Variants in BBS5 observed in about 807,000 individuals in gnomAD.
BBS5 encodes the protein Bardet-Biedl syndrome 5, also known as BBSome complex member BBS5.
In BBS5, 39 loss-of-function variants were observed where a neutral mutation model predicts 50.2. The observed-to-expected ratio is 0.78, with a 90% CI of 0.60 to 1.01. The LOEUF (loss-of-function observed/expected upper bound fraction) is 1.01. Among genes scored for constraint, BBS5 ranks in the 50% least tolerant of loss-of-function variants. The pLI is 0.00. For synonymous variants in BBS5, 134 were observed against 133.1 expected (o/e 1.01, Z -0.05); for missense variants, 356 against 401.5 (o/e 0.89, Z 0.97).
chr2:169,484,512 C>A (rs966045037), intron 2 of BBS5, among the ~76,000 whole-genome samples: 2 of 152,200 alleles, frequency 1.3e-5, no homozygotes, highest in African/African-American at 4.8e-5. Flanking sequence ...ATCCTGCCTT[C>A]TAGCCATCTC....
chr2:169,504,020 C>T (rs1464792150), intron 10 of BBS5, among the ~76,000 whole-genome samples: 1 of 152,124 alleles, frequency 6.6e-6, no homozygotes, highest in Non-Finnish European at 1.5e-5. Context: ...TTTCTTGCCA[C>T]ATGATGATTA....
At chr2:169,494,066 G>T (rs2105298380) in intron 7 of BBS5, among the ~76,000 whole-genome samples, 1 of 152,274 alleles carries the variant, frequency 6.6e-6, no homozygotes, top group Non-Finnish European at 1.5e-5. Context: ...CTTGCTATTA[G>T]AAGAGAAATA....
intron 5 of BBS5, among the ~76,000 whole-genome samples, chr2:169,491,026 C>A (rs1168537795): frequency 1.3e-5 from 2 of 152,100 alleles, no homozygotes; most frequent in Non-Finnish European, 2.9e-5. Flanking sequence ...AAAGAATATT[C>A]CATTGTATGG....
In BBS5 at chr2:169,499,840, C is replaced by A. The variant is rs184707102; in HGVS notation, c.816+220C>A. ...CATCATTCATTCCTGCCCCGCATAC[C>A]TGCCCTTGTAGGTGGGCAGCCACCT... On this transcript the variant is annotated intron_variant, in intron 9 of 11. Transcript: ENST00000295240. Among the ~76,000 whole-genome samples the A allele has an allele frequency of 4.8e-3, 725 of 152,354 alleles. 3 individuals are homozygous for A. The highest frequency in any genetic ancestry group is 0.019 in the South Asian group (94 of 4,824).
chr2:169,490,982 C>T (rs536713282), intron 5 of BBS5, among the ~76,000 whole-genome samples: 19 of 152,200 alleles, frequency 1.2e-4, no homozygotes, highest in African/African-American at 3.4e-4. Flanking sequence ...TAGCATGTAT[C>T]AGTAGTAGTA....
chr2:169,497,581 C>A, intron 7 of BBS5, 46 bp from the exon 8 acceptor site: 1 of 1,101,714 alleles, frequency 9.1e-7, no homozygotes, highest in South Asian at 1.3e-5. Context: ...AGTCACTATT[C>A]AGTTAATAAA....
intron 5 of BBS5, among the ~76,000 whole-genome samples, chr2:169,492,206 T>C (rs1683612721): frequency 6.6e-6 from 1 of 151,552 alleles, no homozygotes; most frequent in Admixed American, 6.6e-5. Flanking sequence ...TATTAAAAAA[T>C]AGGGGCTGGG....
intron 6 of BBS5, 136 bp downstream of exon 6, chr2:169,493,145 A>G (rs956948903): frequency 2.0e-6 from 2 of 1,017,042 alleles, no homozygotes; most frequent in East Asian, 2.4e-5. Flanking sequence ...TTCAATAAGT[A>G]CAAGTTAGGT....
chr2:169,485,662 C>A (rs1259438852), intron 2 of BBS5, among the ~76,000 whole-genome samples: 1 of 152,172 alleles, frequency 6.6e-6, no homozygotes, highest in East Asian at 1.9e-4. Context: ...TGCTGTCTTC[C>A]ATTTGTTCAT....
In BBS5 at chr2:169,499,518, T is replaced by A; in HGVS notation, c.714T>A (p.Asp238Glu). Residue 238 changes from aspartate to glutamate, a missense_variant, in exon 9 of 12, where the codon GAT becomes GAA. Transcript: ENST00000295240. ...GATATGTTCTTGGCTTTAAAATAGA[T>A]CCTGTGGAAAAACTACAAGAATCAG... ...SGGYVLGFKIDPVEKLQESVK... is the reference protein window; with the variant it reads ...SGGYVLGFKIEPVEKLQESVK... The A allele has an allele frequency of 1.9e-6, 3 of 1,613,598 alleles. No homozygotes were observed. Among genetic ancestry groups the A allele is most frequent in the Non-Finnish European group, 2.5e-6 (3 of 1,179,626 alleles).
chr2:169,488,863 G>A (rs1683534242), intron 5 of BBS5, among the ~76,000 whole-genome samples: 1 of 152,154 alleles, frequency 6.6e-6, no homozygotes, highest in Non-Finnish European at 1.5e-5. Flanking sequence ...ATTCAATATA[G>A]CTAAACAAGT....
At chr2:169,490,888 T>C (rs1683584812) in intron 5 of BBS5, among the ~76,000 whole-genome samples, 1 of 152,210 alleles carries the variant, frequency 6.6e-6, no homozygotes, top group South Asian at 2.1e-4. Flanking sequence ...CTGGAAATTT[T>C]ATTTACATGG....
intron 2 of BBS5, among the ~76,000 whole-genome samples, chr2:169,483,982 C>T (rs754709653): frequency 6.6e-6 from 1 of 152,148 alleles, no homozygotes; most frequent in African/African-American, 2.4e-5. Context: ...AAACATTTTT[C>T]GATTCCTCAG....
At chr2:169,497,223 G>A (rs1396366048) in intron 7 of BBS5, among the ~76,000 whole-genome samples, 1 of 152,226 alleles carries the variant, frequency 6.6e-6, no homozygotes, top group Admixed American at 6.5e-5. Context: ...AGGAGGCTGA[G>A]GCAGGAGGAG....
At chr2:169,499,758 A>G in intron 9 of BBS5, 138 bp downstream of exon 9, 1 of 883,712 alleles carries the variant, frequency 1.1e-6, no homozygotes, top group South Asian at 1.5e-5. Context: ...TCAAGTGGGC[A>G]TAGCTCCTGG....
At chr2:169,481,334 G>A in intron 1 of BBS5, among the ~76,000 whole-genome samples, 1 of 152,200 alleles carries the variant, frequency 6.6e-6, no homozygotes, top group East Asian at 1.9e-4. Context: ...CAGGAGGAGA[G>A]TATTCCAGAA....
intron 3 of BBS5, 88 bp downstream of exon 3, chr2:169,487,222 A>T: frequency 2.4e-6 from 2 of 834,570 alleles, no homozygotes; most frequent in Non-Finnish European, 4.0e-6. Context: ...AGAAGTATGT[A>T]GAAATATTAA....
Position 169,496,598 on chromosome 2 carries a change from G to A in BBS5, c.619-1029G>A, listed in dbSNP as rs186997120. On this transcript the variant is annotated intron_variant, in intron 7 of 11. Transcript: ENST00000295240. ...AAAATACAAAAAATTGGCCGGGCGCGGTGGCTCACGCCTGTAATCCCAGCA... is the reference window on the plus strand; with the variant it reads ...AAAATACAAAAAATTGGCCGGGCGCAGTGGCTCACGCCTGTAATCCCAGCA... 4.5e-4 allele frequency among the ~76,000 whole-genome samples: 68 copies of A among 151,816 alleles called. No individual in the cohort carries two copies. In the East Asian group the frequency reaches 9.3e-3, roughly 21 times the overall value.
intron 7 of BBS5, among the ~76,000 whole-genome samples, chr2:169,495,472 T>C (rs2105299103): frequency 6.6e-6 from 1 of 152,308 alleles, no homozygotes; most frequent in East Asian, 1.9e-4. Context: ...CAATCTGATA[T>C]CATCACAGTC....
Sources: gnomAD v4.1 joint callset for allele counts (sites outside exome capture counted in the v4.1 genomes callset) on GRCh38, gnomAD v4.1.1 for gene constraint, MANE v1.5 for transcripts, NCBI Gene and HGNC (gene_info 2026-07-23, HGNC 2026-07-21) for gene names.